The following ADAMTS16 variants were observed in gnomAD, a reference collection of about 807,000 sequenced individuals.
The protein encoded by ADAMTS16 is ADAM metallopeptidase with thrombospondin type 1 motif 16.
Under a neutral mutation model 145.8 loss-of-function variants are expected in ADAMTS16, and 94 were observed. The ratio of observed to expected loss-of-function variants is 0.64; its 90% CI spans 0.55 to 0.77. The LOEUF (loss-of-function observed/expected upper bound fraction) is 0.77, where lower values mean the gene tolerates loss of function less well. ADAMTS16 is among the 30% of genes least tolerant of loss of function. The pLI, the probability that ADAMTS16 is intolerant of heterozygous loss-of-function variation, is 0.00. For synonymous variants in ADAMTS16, 659 were observed against 604.3 expected, an observed-to-expected ratio of 1.09 and a Z score of -1.33; for missense variants, 1,585 against 1,591.5, an observed-to-expected ratio of 1.00 and a Z score of 0.07.
In ADAMTS16 at chr5:5,200,247, C is replaced by T. The variant is rs1407660231; in HGVS notation, c.1429C>T (p.Gln477Ter). ...CTTCTCCTGGTCACCCTGCAGCCGC[C>T]AGTATCTACACAAATTTCTAAGGTA... is the stretch of plus-strand genomic sequence containing the variant. ...GVFSWSPCSR[Q>*]YLHKFLSTAQ... is the part of the protein sequence containing the mutation. Residue 477 changes from glutamine to a stop codon, truncating the protein, a stop_gained, in exon 9 of 23, where the codon CAG becomes TAG. Transcript: ENST00000274181. LOFTEE classifies it high-confidence loss of function. 6.2e-7 allele frequency: 1 copy of T among 1,613,946 alleles called. No individual in the cohort carries two copies. The highest frequency in any genetic ancestry group is 8.5e-7 in the Non-Finnish European group (1 of 1,179,968).
intron 17 of ADAMTS16, among the ~76,000 whole-genome samples, chr5:5,255,332 G>T (rs901397737): frequency 1.3e-5 from 2 of 152,156 alleles, no homozygotes. Flanking sequence ...GGTATTTCAA[G>T]CAAGAAGTTA....
chr5:5,211,299 T>C (rs535817962), intron 10 of ADAMTS16, among the ~76,000 whole-genome samples: 10 of 152,272 alleles, frequency 6.6e-5, no homozygotes, highest in Admixed American at 4.6e-4. Flanking sequence ...ATCAATTTCA[T>C]TGGAAAAAGT....
chr5:5,252,076 C>T (rs965000579), intron 17 of ADAMTS16, among the ~76,000 whole-genome samples: 32 of 152,182 alleles, frequency 2.1e-4, no homozygotes, highest in Non-Finnish European at 3.8e-4. Context: ...GTCTTGATCT[C>T]CTGACTTCGT....
intron 3 of ADAMTS16, among the ~76,000 whole-genome samples, chr5:5,166,106 C>T (rs980472285): frequency 7.9e-5 from 12 of 152,148 alleles, no homozygotes; most frequent in African/African-American, 2.4e-4. Flanking sequence ...TCTAAAATAT[C>T]TCTTTTTTTG....
At chr5:5,181,466 C>T (rs1376815684) in intron 3 of ADAMTS16, among the ~76,000 whole-genome samples, 1 of 152,152 alleles carries the variant, frequency 6.6e-6, no homozygotes, top group Admixed American at 6.5e-5. Flanking sequence ...AAAATCACTG[C>T]TTTCCTATTT....
At position 5,267,837 on chromosome 5, in the gene ADAMTS16, C is replaced by T. The variant is rs548276655; in HGVS notation, c.2789+5054C>T. Among the ~76,000 whole-genome samples the T allele has an allele frequency of 5.9e-5, 9 of 152,322 alleles. No homozygotes were observed. In the East Asian group the frequency reaches 1.2e-3, roughly 20 times the overall value. Reference sequence around the variant, plus strand: ...GTGGAGCCCTCACCAGGGACCGCCCCCTTCTCCTCCCAGCACTTCCCTGCC... The same window carrying T: ...GTGGAGCCCTCACCAGGGACCGCCCTCTTCTCCTCCCAGCACTTCCCTGCC... On this transcript the variant is annotated intron_variant, in intron 18 of 22. Transcript: ENST00000274181.
rs899446509 is a variant in ADAMTS16, at chr5:5,140,412, G to T, written c.-56G>T. The stretch of plus-strand genomic sequence containing the variant: ...TGGGTCGGGTCCTCCCTGCCCGCTC[G>T]CACGCTGCCGGCCGGGGACCCTCCG... On this transcript the variant is annotated 5_prime_UTR_variant, in exon 1 of 23. Transcript: ENST00000274181. 4.1e-6 allele frequency: 6 copies of T among 1,475,520 alleles called. No individual in the cohort carries two copies. The Admixed American group carries it at 9.2e-5, about 23-fold the overall frequency. The allele number at this position is 1,475,520 out of a possible 1,614,324, so 91.4% of individuals were successfully genotyped here. A position where few individuals can be genotyped will look rare whatever the true frequency, so the allele number is the denominator to read the frequency against.
chr5:5,152,529 C>T (rs1321755681), intron 3 of ADAMTS16, among the ~76,000 whole-genome samples: 3 of 152,178 alleles, frequency 2.0e-5, no homozygotes, highest in Non-Finnish European at 2.9e-5. Flanking sequence ...GAAGGAATTT[C>T]AGATGCAAGT....
chr5:5,292,148 A>G (rs1465795146), intron 18 of ADAMTS16, among the ~76,000 whole-genome samples: 2 of 152,200 alleles, frequency 1.3e-5, no homozygotes, highest in Non-Finnish European at 2.9e-5. Flanking sequence ...TTCTACCTAC[A>G]GTCTAGCTTC....
At position 5,236,974 on chromosome 5, in the gene ADAMTS16, G is replaced by C. The variant is rs765015761; in HGVS notation, c.2029G>C (p.Asp677His). The C allele has an allele frequency of 3.1e-6, 5 of 1,612,236 alleles. No homozygotes were observed. Among genetic ancestry groups the C allele is most frequent in the Non-Finnish European group, 3.4e-6 (4 of 1,179,442 alleles). The part of the protein sequence containing the change: ...WKPYTQVEDQ[D>H]LCKLYCIAEG... The stretch of plus-strand genomic sequence containing the variant: ...TGTGTGTATTTCTTTTTAAGATCAG[G>C]ACTTATGCAAACTCTACTGTATCGC... The change falls in exon 14 of 23, where the codon GAC becomes CAC. Residue 677 changes from aspartate (D) to histidine (H), a missense_variant. Physicochemically the swap from Asp to His is moderately conservative, Grantham distance 81 (BLOSUM62 -1). Around this residue, in one of 3 missense-constraint regions of ADAMTS16, gnomAD observed 834 missense variants for 811.7 expected, o/e 1.03. Coordinates refer to ENST00000274181, the MANE Select transcript of ADAMTS16 (RefSeq NM_139056.4).
intron 21 of ADAMTS16, among the ~76,000 whole-genome samples, chr5:5,309,278 C>T (rs1275954107): frequency 6.6e-6 from 1 of 152,134 alleles, no homozygotes; most frequent in Non-Finnish European, 1.5e-5. Context: ...CACACTTCTT[C>T]GTTCTCATGG....
chr5:5,185,792 C>T (rs1174788503), intron 4 of ADAMTS16, among the ~76,000 whole-genome samples: 1 of 152,154 alleles, frequency 6.6e-6, no homozygotes, highest in Non-Finnish European at 1.5e-5. Context: ...AAAGAGTGCC[C>T]TCTCTTGCTG....
intron 20 of ADAMTS16, 87 bp from the exon 21 acceptor site, chr5:5,306,417 C>A: frequency 8.8e-7 from 1 of 1,140,654 alleles, no homozygotes. Context: ...TATAAATGTT[C>A]AAGCAGATAT....
At chr5:5,244,877 G>A (rs1187649742) in intron 17 of ADAMTS16, among the ~76,000 whole-genome samples, 2 of 152,178 alleles carry the variant, frequency 1.3e-5, no homozygotes, top group African/African-American at 4.8e-5. Flanking sequence ...CAGGGTGAAG[G>A]CTGATCTTCT....
intron 21 of ADAMTS16, 57 bp downstream of exon 21, chr5:5,306,785 G>A (rs1740182632): frequency 4.1e-6 from 6 of 1,473,556 alleles, no homozygotes; most frequent in Non-Finnish European, 4.6e-6. Context: ...CCTGGGGTTG[G>A]CCGCTGGCTC....
In ADAMTS16 at chr5:5,240,228, AG is replaced by A. The variant is rs758422149; in HGVS notation, c.2523+306del. Among the ~76,000 whole-genome samples, 27 of 151,768 alleles carry A rather than the reference AG, an allele frequency of 1.8e-4. No individual in the cohort carries two copies. The East Asian group carries it at 3.3e-3, about 19-fold the overall frequency. Reference sequence around the variant, plus strand: ...TGTGAGATGCGGCCACTCTTGGGGGAGGGAGGTGGGGTCTGACTTCGCCTGT... The same window carrying A: ...TGTGAGATGCGGCCACTCTTGGGGGAGGAGGTGGGGTCTGACTTCGCCTGT... On this transcript the variant is annotated intron_variant, in intron 16 of 22. Transcript: ENST00000274181.
At chr5:5,318,419 A>G in intron 22 of ADAMTS16, 138 bp downstream of exon 22, 1 of 928,344 alleles carries the variant, frequency 1.1e-6, no homozygotes, top group Non-Finnish European at 1.5e-6. Flanking sequence ...CTCCAGTTTT[A>G]CAATGAAATG....
intron 9 of ADAMTS16, among the ~76,000 whole-genome samples, chr5:5,204,851 T>C (rs548854595): frequency 5.3e-5 from 8 of 152,298 alleles, no homozygotes; most frequent in African/African-American, 1.9e-4. Context: ...CTTTCCTAAG[T>C]AGCTGTGTGA....
chr5:5,200,351 G>A (rs1158828224), intron 9 of ADAMTS16, 82 bp downstream of exon 9: 33 of 1,549,066 alleles, frequency 2.1e-5, no homozygotes, highest in Non-Finnish European at 2.6e-5. Context: ...TGTGCAAGCA[G>A]CCCCAGGCTG....
Sources: gnomAD v4.1 joint callset for allele counts (sites outside exome capture counted in the v4.1 genomes callset) on GRCh38, gnomAD v4.1.1 for gene constraint, gnomAD v4.1.1 regional missense constraint, MANE v1.5 for transcripts, NCBI Gene and HGNC (gene_info 2026-07-23, HGNC 2026-07-21) for gene names.